LRRC4C: variants seen among roughly 807,000 people sequenced by gnomAD.
The protein encoded by LRRC4C is leucine rich repeat containing 4C.
Under a neutral mutation model 33.6 loss-of-function variants are expected in LRRC4C, and 5 were observed. The ratio of observed to expected loss-of-function variants is 0.15; its 90% CI spans 0.08 to 0.31. The LOEUF is 0.31. Ranked by LOEUF, LRRC4C falls within the 10% of genes least tolerant of loss-of-function variation. LRRC4C has a pLI of 1.00. For missense variants in LRRC4C, 560 were observed against 796.7 expected (o/e 0.70, Z 3.58); for synonymous variants, 329 against 302.0 (o/e 1.09, Z -0.93).
intron 1 of LRRC4C, among the ~76,000 whole-genome samples, chr11:41,246,162 G>C (rs544769704): frequency 5.9e-5 from 9 of 152,110 alleles, no homozygotes; most frequent in Non-Finnish European, 1.2e-4. Context: ...TGCCCAGGTT[G>C]TTCCTGCAGA....
At chr11:40,830,615 A>G (rs1591826751) in intron 2 of LRRC4C, among the ~76,000 whole-genome samples, 1 of 152,118 alleles carries the variant, frequency 6.6e-6, no homozygotes, top group Non-Finnish European at 1.5e-5. Flanking sequence ...AAGGAGAGGC[A>G]TGTTAGCTCA....
chr11:41,153,684 T>A (rs746419307), intron 1 of LRRC4C, among the ~76,000 whole-genome samples: 1 of 152,142 alleles, frequency 6.6e-6, no homozygotes, highest in Non-Finnish European at 1.5e-5. Context: ...CCTAGCACAA[T>A]AGCCCCCTTA....
rs530583788 is a variant in LRRC4C at position 40,269,298 on chromosome 11, A to C, written c.-175-27700T>G. On this transcript the variant is annotated intron_variant, in intron 4 of 6. Coordinates refer to ENST00000528697, the MANE Select transcript of LRRC4C (RefSeq NM_001258419.2). ...GAAAGTAAATATCATGAAGACTAAT[A>C]ATTGTTAACATTTATTGAGTTCTTA... Among the ~76,000 whole-genome samples the C allele has an allele frequency of 2.0e-5, 3 of 152,320 alleles. 1 individual carries two copies. The South Asian group carries it at 6.2e-4, about 32-fold the overall frequency.
At chr11:40,374,339 C>T (rs1270868905) in intron 3 of LRRC4C, among the ~76,000 whole-genome samples, 4 of 152,082 alleles carry the variant, frequency 2.6e-5, no homozygotes, top group Non-Finnish European at 4.4e-5. Flanking sequence ...TATTAATTCC[C>T]TAATCTGTAT....
chr11:40,201,606 A>G (rs1012574061), intron 5 of LRRC4C, among the ~76,000 whole-genome samples: 2 of 152,148 alleles, frequency 1.3e-5, no homozygotes, highest in African/African-American at 4.8e-5. Flanking sequence ...GGGTCAGTAA[A>G]GTCTGCAGAC....
intron 3 of LRRC4C, among the ~76,000 whole-genome samples, chr11:40,582,412 TC>T (rs1958508061): frequency 6.6e-6 from 1 of 151,548 alleles, no homozygotes; most frequent in South Asian, 2.1e-4. Context: ...GCTGCTACAA[TC>T]ACAGACAGGC....
At chr11:40,329,675 A>G (rs1233576254) in intron 3 of LRRC4C, among the ~76,000 whole-genome samples, 1 of 151,202 alleles carries the variant, frequency 6.6e-6, no homozygotes, top group African/African-American at 2.4e-5. Context: ...GTTTATAATT[A>G]TTTGAGGTAT....
chr11:40,935,724 C>A (rs1043574196), intron 1 of LRRC4C, among the ~76,000 whole-genome samples: 5 of 151,702 alleles, frequency 3.3e-5, no homozygotes, highest in African/African-American at 1.2e-4. Flanking sequence ...AATGTATTCC[C>A]AAGAGAAATT....
chr11:40,824,158 G>A (rs1429169193), intron 2 of LRRC4C, among the ~76,000 whole-genome samples: 1 of 151,782 alleles, frequency 6.6e-6, no homozygotes, highest in African/African-American at 2.4e-5. Context: ...GGAGGTATCT[G>A]CAAAAGGGAT....
At chr11:40,382,684 ATTTTTTTTT>A (rs35200000) in intron 3 of LRRC4C, among the ~76,000 whole-genome samples, 51 of 65,548 alleles carry the variant, frequency 7.8e-4, no homozygotes, top group Non-Finnish European at 7.1e-4. Context: ...ACTTGTACTC[ATTTTTTTTT>A]TTTTTTTTTT....
chr11:41,188,705 CAA>C (rs10559968), intron 1 of LRRC4C, among the ~76,000 whole-genome samples: 12,738 of 111,108 alleles, frequency 0.11, 669 homozygotes, highest in Non-Finnish European at 0.15. Flanking sequence ...GAAAAAGAAG[CAA>C]AAAAAAAAAA....
intron 3 of LRRC4C, among the ~76,000 whole-genome samples, chr11:40,496,050 C>T (rs967275212): frequency 1.1e-4 from 17 of 151,864 alleles, no homozygotes; most frequent in Non-Finnish European, 1.5e-4. Flanking sequence ...AGGCTGGTTT[C>T]GAACTCCCGA....
rs116190792 is a variant in LRRC4C at position 41,003,154 on chromosome 11, G to T, written c.-495-69431C>A. On this transcript the variant is annotated intron_variant, in intron 1 of 6. Coordinates refer to ENST00000528697, the MANE Select transcript of LRRC4C (RefSeq NM_001258419.2). ...CATGAGAACTGTAAACTAAATAAAA[G>T]CACCATTATACAAGTTAAAAAGTAA... Among the ~76,000 whole-genome samples, 338 of 151,906 alleles carry T rather than the reference G, an allele frequency of 2.2e-3. 1 individual carries two copies. Among genetic ancestry groups the T allele is most frequent in the African/African-American group, 7.9e-3 (329 of 41,428 alleles).
At chr11:40,237,584 T>C (rs1253747117) in intron 5 of LRRC4C, among the ~76,000 whole-genome samples, 7 of 152,234 alleles carry the variant, frequency 4.6e-5, no homozygotes, top group Non-Finnish European at 8.8e-5. Context: ...TAAATGTTTG[T>C]TTAATTTCCT....
At chr11:41,442,637 TTTTTTGTATTTTTAGTAGAGAC>T (rs1306589586) in intron 1 of LRRC4C, among the ~76,000 whole-genome samples, 1 of 151,600 alleles carries the variant, frequency 6.6e-6, no homozygotes, top group Non-Finnish European at 1.5e-5. Context: ...GCCCAGCTAA[TTTTTTGTATTTTTAGTAGAGAC>T]GGGGTTTCAC....
chr11:41,285,976 C>A (rs545848324), intron 1 of LRRC4C, among the ~76,000 whole-genome samples: 1 of 152,062 alleles, frequency 6.6e-6, no homozygotes, highest in South Asian at 2.1e-4. Context: ...ACTACAGGCA[C>A]GTGCCACCAC....
intron 2 of LRRC4C, among the ~76,000 whole-genome samples, chr11:40,826,735 T>G (rs1409076108): frequency 6.6e-6 from 1 of 151,980 alleles, no homozygotes. Context: ...CCTGATATCT[T>G]GAATTTTTCC....
intron 1 of LRRC4C, among the ~76,000 whole-genome samples, chr11:41,420,873 T>C (rs1438026096): frequency 1.3e-5 from 2 of 152,000 alleles, no homozygotes; most frequent in African/African-American, 4.8e-5. Flanking sequence ...CAATAAATAT[T>C]CACCTTTTTG....
At chr11:40,546,084 ACCTTCCTTCCTTCCTTCCTT>A (rs35191575) in intron 3 of LRRC4C, among the ~76,000 whole-genome samples, 171 of 135,854 alleles carry the variant, frequency 1.3e-3, no homozygotes, top group African/African-American at 4.1e-3. Flanking sequence ...CTTCCTTCCT[ACCTTCCTTCCTTCCTTCCTT>A]CCTTCCTTCC....
Sources: gnomAD v4.1 joint callset for allele counts (sites outside exome capture counted in the v4.1 genomes callset) on GRCh38, gnomAD v4.1.1 for gene constraint, MANE v1.5 for transcripts, NCBI Gene and HGNC (gene_info 2026-07-23, HGNC 2026-07-21) for gene names.